The following NANS variants were observed in gnomAD, a reference collection of about 807,000 sequenced individuals.
NANS encodes N-acetylneuraminate synthase.
In NANS, 29 loss-of-function variants were observed where a neutral mutation model predicts 33.3. The ratio of observed to expected loss-of-function variants is 0.87; its 90% confidence interval spans 0.65 to 1.19. NANS has a LOEUF of 1.19. NANS is among the 50% of genes most tolerant of loss of function. The pLI is 0.00. For missense variants in NANS, 394 were observed against 461.1 expected (o/e 0.85, Z 1.33); for synonymous variants, 163 against 177.2 (o/e 0.92, Z 0.64).
At chr9:98,073,574 C>T (rs1307180858) in intron 2 of NANS, among the ~76,000 whole-genome samples, 2 of 149,730 alleles carry the variant, frequency 1.3e-5, no homozygotes, top group African/African-American at 2.5e-5. Flanking sequence ...TGAGCCACCG[C>T]GCCTGGCCTG....
At chr9:98,062,226 T>C (rs1362534198) in intron 2 of NANS, among the ~76,000 whole-genome samples, 3 of 145,934 alleles carry the variant, frequency 2.1e-5, no homozygotes, top group African/African-American at 5.0e-5. Flanking sequence ...AAAAAAAAAA[T>C]AGAGCAAGGA....
At chr9:98,077,502 A>T (rs900712531) in intron 3 of NANS, among the ~76,000 whole-genome samples, 20 of 152,052 alleles carry the variant, frequency 1.3e-4, no homozygotes, top group Admixed American at 8.5e-4. Flanking sequence ...GAGCCACTGC[A>T]CCTGTCCTAG....
At chr9:98,059,475 C>T (rs899457376) in intron 1 of NANS, among the ~76,000 whole-genome samples, 1 of 152,168 alleles carries the variant, frequency 6.6e-6, no homozygotes, top group Non-Finnish European at 1.5e-5. Flanking sequence ...AGTGCAGTGG[C>T]ACCATCATAG....
intron 5 of NANS, 56 bp downstream of exon 5, chr9:98,081,138 C>T (rs1482335670): frequency 1.4e-5 from 22 of 1,600,018 alleles, no homozygotes; most frequent in Non-Finnish European, 1.8e-5. Context: ...AAAGGATAGG[C>T]TGGCCTGAGA....
chr9:98,059,628 T>A (rs144177728), intron 1 of NANS, among the ~76,000 whole-genome samples: 1 of 152,282 alleles, frequency 6.6e-6, no homozygotes, highest in South Asian at 2.1e-4. Flanking sequence ...TTGCCGAGGC[T>A]GGTCTTGAAC....
rs955071221 is a variant in NANS at position 98,081,094 on chromosome 9, C to T, written c.870+12C>T. 30 of 1,613,794 alleles carry T rather than the reference C, an allele frequency of 1.9e-5. No homozygotes were observed. Among genetic ancestry groups the T allele is most frequent in the East Asian group, 6.7e-5 (3 of 44,888 alleles). On this transcript the variant is annotated intron_variant, in intron 5 of 5. Coordinates refer to ENST00000210444, the MANE Select transcript of NANS (RefSeq NM_018946.4). ...CCTGCAATGAGAAGGTGTGTCCTGC[C>T]GGACTCTACTCGGTTCTGCTGCCGT...
Position 98,082,952 on chromosome 9 carries a change from ACATCTTTAATC to A in NANS, c.978_988del (p.Ile327SerfsTer10). On this transcript the variant is annotated frameshift_variant, in exon 6 of 6. Transcript: ENST00000210444. LOFTEE classifies it high-confidence loss of function. ...GAGCCCAAAGGCTATCCTCCTGAAG[ACATCTTTAATC>A]TAGTGGGCAAGAAGGTCCTGGTCAC... 6.2e-7 allele frequency: 1 copy of A among 1,614,244 alleles called. No homozygotes were observed. Among genetic ancestry groups the A allele is most frequent in the East Asian group, 2.2e-5 (1 of 44,892 alleles).
rs1829691156 is a variant in NANS, at chr9:98,078,414, A to G, written c.603+67A>G. The G allele has an allele frequency of 2.0e-6, 3 of 1,535,102 alleles. No homozygotes were observed. In the South Asian group the frequency reaches 3.6e-5, roughly 18 times the overall value. ...ATGGGGAAGGCGTAGTCTTTTTTAT[A>G]ACCAAAATTCTAACAAACATGGCAT... On this transcript the variant is annotated intron_variant, in intron 4 of 5. Coordinates refer to ENST00000210444, the MANE Select transcript of NANS (RefSeq NM_018946.4).
Position 98,080,965 on chromosome 9 carries a change from G to C in NANS, c.753G>C (p.Ser251=), listed in dbSNP as rs761794233. The C allele has an allele frequency of 1.9e-6, 3 of 1,614,142 alleles. No individual in the cohort carries two copies. Among genetic ancestry groups the C allele is most frequent in the Non-Finnish European group, 2.5e-6 (3 of 1,180,028 alleles). The change falls in exon 5 of 6, where the codon TCG becomes TCC. Residue 251 remains serine (S), a synonymous_variant. Coordinates refer to ENST00000210444, the MANE Select transcript of NANS (RefSeq NM_018946.4). ...AGACCTGGAAGGGGAGTGACCACTC[G>C]GCCTCGCTGGAGCCTGGAGAACTGG... ...LDKTWKGSDH[S]ASLEPGELAE... is the part of the protein sequence containing the mutation.
chr9:98,056,748 G>A lies in NANS; in HGVS notation c.-61G>A, dbSNP rs553155111. The A allele has an allele frequency of 6.5e-7, 1 of 1,535,980 alleles. No homozygotes were observed. Among genetic ancestry groups the A allele is most frequent in the South Asian group, 1.2e-5 (1 of 85,448 alleles). On this transcript the variant is annotated 5_prime_UTR_variant, in exon 1 of 6. Coordinates refer to ENST00000210444, the MANE Select transcript of NANS (RefSeq NM_018946.4). ...GCGTTGCTCACAGAACAGAGTAGAG[G>A]CGGCGGCGGCGGCGGCCGGACCCAG... is the stretch of plus-strand genomic sequence containing the variant.
chr9:98,060,589 G>A (rs1828944471), intron 1 of NANS, among the ~76,000 whole-genome samples, 193 bp from the exon 2 acceptor site: 1 of 152,144 alleles, frequency 6.6e-6, no homozygotes, highest in Admixed American at 6.5e-5. Flanking sequence ...AGAATGGCTT[G>A]AACCCGGGAG....
At chr9:98,070,425 T>A (rs568135543) in intron 2 of NANS, among the ~76,000 whole-genome samples, 4 of 152,164 alleles carry the variant, frequency 2.6e-5, no homozygotes, top group South Asian at 2.1e-4. Context: ...GCTTTCATTT[T>A]AAATTTTTAT....
rs560256436 is a variant in NANS at position 98,056,937 on chromosome 9, C to T, written c.129C>T (p.Ala43=). The T allele has an allele frequency of 3.6e-4, 577 of 1,587,142 alleles. 6 individuals carry two copies. The South Asian group carries it at 6.1e-3, about 17-fold the overall frequency. The change falls in exon 1 of 6, where the codon GCC becomes GCT. Residue 43 remains alanine (A), a synonymous_variant. Coordinates refer to ENST00000210444, the MANE Select transcript of NANS (RefSeq NM_018946.4). ...LDVAKRMIRM[A]KECGADCAKF... is the part of the protein sequence containing the mutation. Reference sequence around the variant, plus strand: ...TAGCCAAGCGCATGATCCGCATGGCCAAGGTGAGGCGGCAGCTCCCGGGAC... The same window carrying T: ...TAGCCAAGCGCATGATCCGCATGGCTAAGGTGAGGCGGCAGCTCCCGGGAC...
intron 2 of NANS, among the ~76,000 whole-genome samples, chr9:98,065,761 T>C (rs1417275664): frequency 1.3e-5 from 2 of 151,482 alleles, no homozygotes; most frequent in Admixed American, 6.6e-5. Context: ...CAAAGGGAGG[T>C]AGTTGAATCA....
chr9:98,078,401 T>G, intron 4 of NANS, 54 bp downstream of exon 4: 2 of 1,565,632 alleles, frequency 1.3e-6, no homozygotes, highest in Non-Finnish European at 1.7e-6. Context: ...GGGGAAGGCG[T>G]AGTCTTTTTT....
rs1403581713 is a variant in NANS, at chr9:98,070,174, G to A, written c.349-6744G>A. Among the ~76,000 whole-genome samples the A allele has an allele frequency of 5.3e-5, 8 of 152,272 alleles. No homozygotes were observed. The South Asian group carries it at 1.5e-3, about 28-fold the overall frequency. On this transcript the variant is annotated intron_variant, in intron 2 of 5. Transcript: ENST00000210444. ...TTGCTGTCACGCAGGCTGGAGTGCA[G>A]TGGCACGATTGTGGCTCACTGTAAC... is the stretch of plus-strand genomic sequence containing the variant.
intron 2 of NANS, chr9:98,075,824 G>T (rs1778413529): frequency 6.6e-6 from 1 of 152,106 alleles, no homozygotes; most frequent in African/African-American, 2.4e-5. Flanking sequence ...GCAGTTTTTA[G>T]TATATCAATT....
chr9:98,072,561 C>T (rs1185864626), intron 2 of NANS, among the ~76,000 whole-genome samples: 4 of 152,096 alleles, frequency 2.6e-5, no homozygotes, highest in Non-Finnish European at 4.4e-5. Flanking sequence ...CAGGTGCCCG[C>T]TACCATGCCC....
chr9:98,065,483 A>ATTTTTTTTTTTTTTTTTTTTT lies in NANS; in HGVS notation c.348+4493_348+4513dup, dbSNP rs397837187. Among the ~76,000 whole-genome samples the ATTTTTTTTTTTTTTTTTTTTT allele has an allele frequency of 2.2e-4, 13 of 58,632 alleles. 1 individual carries two copies. The highest frequency in any genetic ancestry group is 5.3e-4 in the Admixed American group (2 of 3,768). 38.5% of individuals were successfully genotyped at this position (58,632 alleles called of 152,430 possible). ...AGGCGTCCACCACCATGCCCAGCTA[A>ATTTTTTTTTTTTTTTTTTTTT]TTTTTTTTTTTTTTTTTTTTTTTTT... is the stretch of plus-strand genomic sequence containing the variant. On this transcript the variant is annotated intron_variant, in intron 2 of 5. Coordinates refer to ENST00000210444, the MANE Select transcript of NANS (RefSeq NM_018946.4).
Sources: gnomAD v4.1 joint callset for allele counts (sites outside exome capture counted in the v4.1 genomes callset) on GRCh38, gnomAD v4.1.1 for gene constraint, MANE v1.5 for transcripts, NCBI Gene and HGNC (gene_info 2026-07-23, HGNC 2026-07-21) for gene names.